Variants in RNF208 observed in about 807,000 individuals in gnomAD.
RNF208 encodes ring finger protein 208.
A neutral mutation model predicts 15.2 loss-of-function variants in RNF208; 7 were observed. The ratio of observed to expected loss-of-function variants is 0.46; its 90% CI spans 0.26 to 0.86. The LOEUF (loss-of-function observed/expected upper bound fraction) is 0.86, where lower values mean the gene tolerates loss of function less well. Ranked by LOEUF, RNF208 falls within the 40% of genes least tolerant of loss-of-function variation. The pLI is 0.16. For missense variants in RNF208, 342 were observed against 364.1 expected (o/e 0.94, Z 0.49); for synonymous variants, 211 against 163.2 (o/e 1.29, Z -2.23).
Position 137,220,953 on chromosome 9 carries a change from C to A in RNF208, c.260G>T (p.Gly87Val). The A allele has an allele frequency of 6.5e-7, 1 of 1,543,210 alleles. No homozygotes were observed. Among genetic ancestry groups the A allele is most frequent in the Non-Finnish European group, 8.8e-7 (1 of 1,141,534 alleles). ...ACGGDMPALE[G>V]APHTPPLPRR... ...TGGCAGTGGCGGGGTATGGGGTGCCCCTTCCAAGGCAGGCATGTCCCCCCC... is the reference window on the plus strand; with the variant it reads ...TGGCAGTGGCGGGGTATGGGGTGCCACTTCCAAGGCAGGCATGTCCCCCCC... The change falls in exon 2 of 2, where the codon GGG (glycine) becomes GTG (valine). Residue 87 changes from glycine (G) to valine (V), a missense_variant. By Grantham distance (109) the Gly-to-Val change is moderately radical. Around this residue, in one of 3 missense-constraint regions of RNF208, gnomAD observed 207 missense variants for 193.7 expected, o/e 1.07. Transcript: ENST00000391553.
Position 137,220,353 on chromosome 9 carries a change from C to G in RNF208, c.*74G>C. The G allele has an allele frequency of 7.0e-7, 1 of 1,432,784 alleles. No individual in the cohort carries two copies. The highest frequency in any genetic ancestry group is 2.4e-5 in the Admixed American group (1 of 41,460). 88.8% of individuals were successfully genotyped at this position (1,432,784 alleles called of 1,614,324 possible). A position where few individuals can be genotyped will look rare whatever the true frequency, so the allele number is the denominator to read the frequency against. Reference sequence around the variant, plus strand: ...TGGTGGGGAAGGAAGGGTCAGCGGGCGGCAGGGCAGGGCCGGGTCCCTGAA... The same window carrying G: ...TGGTGGGGAAGGAAGGGTCAGCGGGGGGCAGGGCAGGGCCGGGTCCCTGAA... On this transcript the variant is annotated 3_prime_UTR_variant, in exon 2 of 2. Transcript: ENST00000391553.
At position 137,221,116 on chromosome 9, in the gene RNF208, T is replaced by C. The variant is rs761983884; in HGVS notation, c.97A>G (p.Met33Val). 4 of 1,605,050 alleles carry C rather than the reference T, an allele frequency of 2.5e-6. No homozygotes were observed. The Admixed American group carries it at 6.7e-5, about 27-fold the overall frequency. ...GPHVILKMEA[M>V]KIVHPEKFPE... ...AACTTTTCAGGGTGGACAATCTTCA[T>C]GGCCTCCATCTTGAGGATGACATGG... Residue 33 changes from methionine to valine, a missense_variant, in exon 2 of 2, where the codon ATG becomes GTG. Physicochemically the swap from Met to Val is conservative, Grantham distance 21. Around this residue, in one of 3 missense-constraint regions of RNF208, gnomAD observed 207 missense variants for 193.7 expected, o/e 1.07. Transcript: ENST00000391553.
chr9:137,221,815 C>T (rs1052740237), intron 1 of RNF208, among the ~76,000 whole-genome samples, 77 bp from the exon 2 acceptor site: 1 of 152,032 alleles, frequency 6.6e-6, no homozygotes, highest in Non-Finnish European at 1.5e-5. Flanking sequence ...AAGGACCGGG[C>T]GCCCGACCTC....
At chr9:137,221,778 C>A (rs1252407322) in intron 1 of RNF208, among the ~76,000 whole-genome samples, 40 bp from the exon 2 acceptor site, 1 of 152,132 alleles carries the variant, frequency 6.6e-6, no homozygotes, top group African/African-American at 2.4e-5. Flanking sequence ...GCCCCGGCCA[C>A]CCCCACCCTA....
chr9:137,222,636 G>C (rs1835889191), upstream of RNF208, among the ~76,000 whole-genome samples: 1 of 152,226 alleles, frequency 6.6e-6, no homozygotes, highest in African/African-American at 2.4e-5. Flanking sequence ...GGAAGGCCCC[G>C]AGTCCTCCAG....
rs756236898 is a variant in RNF208, at chr9:137,220,833, G to T, written c.380C>A (p.Pro127His). Reference sequence around the variant, plus strand: ...CGCCGAAGAAGCCGCCGAGGCCGAGGGGCCAGGCCGAATCACGTACTGATT... The same window carrying T: ...CGCCGAAGAAGCCGCCGAGGCCGAGTGGCCAGGCCGAATCACGTACTGATT... ...IVNQYVIRPGPSASAASSAAA... is the reference protein window; with the variant it reads ...IVNQYVIRPGHSASAASSAAA... Residue 127 changes from proline (P) to histidine (H), a missense_variant, in exon 2 of 2, where the codon CCC (proline) becomes CAC (histidine). Physicochemically the swap from Pro to His is moderately conservative, Grantham distance 77 (BLOSUM62 -2). This residue lies in a region of RNF208 where 207 missense variants were observed against 193.7 expected (regional missense o/e 1.07). Coordinates refer to ENST00000391553, the MANE Select transcript of RNF208 (RefSeq NM_031297.7). 3 of 1,607,030 alleles carry T rather than the reference G, an allele frequency of 1.9e-6. No individual in the cohort carries two copies. The highest frequency in any genetic ancestry group is 3.4e-5 in the Admixed American group (2 of 59,212).
In RNF208 at chr9:137,220,939, GGGTATGGGGTGCCCCTTCCAA is replaced by G; in HGVS notation, c.253_273del (p.Leu85_Thr91del). The stretch of plus-strand genomic sequence containing the variant: ...TTACGGGGCCGCCGTGGCAGTGGCG[GGGTATGGGGTGCCCCTTCCAA>G]GGCAGGCATGTCCCCCCCACAGGCC... On this transcript the variant is annotated inframe_deletion, in exon 2 of 2. Transcript: ENST00000391553. The G allele has an allele frequency of 6.5e-7, 1 of 1,548,452 alleles. No homozygotes were observed.
Position 137,220,899 on chromosome 9 carries a change from A to G in RNF208, c.314T>C (p.Leu105Pro), listed in dbSNP as rs761579621. ...CTCTGGGGCCACGCGGGGAAAGCCCAGCTCCGAGCTTCCCTTACGGGGCCG... is the reference window on the plus strand; with the variant it reads ...CTCTGGGGCCACGCGGGGAAAGCCCGGCTCCGAGCTTCCCTTACGGGGCCG... ...PRRPRKGSSE[L>P]GFPRVAPEDE... The change falls in exon 2 of 2, where the codon CTG becomes CCG. Residue 105 changes from leucine (L) to proline (P), a missense_variant. This residue lies in a region of RNF208 where 207 missense variants were observed against 193.7 expected (regional missense o/e 1.07). Transcript: ENST00000391553. 6 of 1,573,150 alleles carry G rather than the reference A, an allele frequency of 3.8e-6. No individual in the cohort carries two copies. The East Asian group carries it at 1.4e-4, about 36-fold the overall frequency.
In RNF208 at chr9:137,220,417, G is replaced by A. The variant is rs1169211417; in HGVS notation, c.*10C>T. The A allele has an allele frequency of 5.8e-6, 9 of 1,547,164 alleles. No homozygotes were observed. In the South Asian group the frequency reaches 1.1e-4, roughly 19 times the overall value. On this transcript the variant is annotated 3_prime_UTR_variant, in exon 2 of 2. Coordinates refer to ENST00000391553, the MANE Select transcript of RNF208 (RefSeq NM_031297.7). ...AGGCTCAGCGGGCAGTGGCGGGCAGGCAGGCGCTACTACATGATGGAGCAG... is the reference window on the plus strand; with the variant it reads ...AGGCTCAGCGGGCAGTGGCGGGCAGACAGGCGCTACTACATGATGGAGCAG...
At position 137,220,785 on chromosome 9, in the gene RNF208, C is replaced by G; in HGVS notation, c.428G>C (p.Cys143Ser). 6.2e-7 allele frequency: 1 copy of G among 1,611,568 alleles called. No individual in the cohort carries two copies. Among genetic ancestry groups the G allele is most frequent in the Non-Finnish European group, 8.5e-7 (1 of 1,179,500 alleles). ...ATTGTAGGAGTGCCCACAGGTGGGGCACTCCAGGGGCTCGCCTGCCGCCGC... is the reference window on the plus strand; with the variant it reads ...ATTGTAGGAGTGCCCACAGGTGGGGGACTCCAGGGGCTCGCCTGCCGCCGC... ...SSAAAGEPLE[C>S]PTCGHSYNVT... The change falls in exon 2 of 2, where the codon TGC becomes TCC. Residue 143 changes from cysteine (C) to serine (S), a missense_variant. Around this residue, in one of 3 missense-constraint regions of RNF208, gnomAD observed 76 missense variants for 118.0 expected, o/e 0.64. Transcript: ENST00000391553.
chr9:137,221,278 G>A lies in RNF208; in HGVS notation c.-66C>T, dbSNP rs1431414977. The A allele has an allele frequency of 3.5e-6, 4 of 1,138,416 alleles. No individual in the cohort carries two copies. Among genetic ancestry groups the A allele is most frequent in the Non-Finnish European group, 4.7e-6 (4 of 853,876 alleles). 70.5% of individuals were successfully genotyped at this position (1,138,416 alleles called of 1,614,324 possible). ...GGCGTTGTGTGGGGCTGGGGGGCAG[G>A]TGACAGGGCAGCATCCTGGTCCCGC... is the stretch of plus-strand genomic sequence containing the variant. On this transcript the variant is annotated 5_prime_UTR_variant, in exon 2 of 2. Transcript: ENST00000391553.
At chr9:137,222,270 G>GCGGCGCCCGC (rs1443090443), upstream of RNF208, among the ~76,000 whole-genome samples, 2 of 146,596 alleles carry the variant, frequency 1.4e-5, no homozygotes, top group African/African-American at 4.9e-5. Context: ...CGCAGTGCGC[G>GCGGCGCCCGC]CGGCGCCCGC....
At position 137,221,262 on chromosome 9, in the gene RNF208, T is replaced by TGGGGG; in HGVS notation, c.-51_-50insCCCCC. On this transcript the variant is annotated 5_prime_UTR_variant, in exon 2 of 2. The change abolishes the stop of an existing upstream ORF in the 5' untranslated region. Coordinates refer to ENST00000391553, the MANE Select transcript of RNF208 (RefSeq NM_031297.7). Reference sequence around the variant, plus strand: ...TGTTCGGGTGGGTGGGGGCGTTGTGTGGGGCTGGGGGGCAGGTGACAGGGC... The same window carrying TGGGGG: ...TGTTCGGGTGGGTGGGGGCGTTGTGTGGGGGGGGGCTGGGGGGCAGGTGACAGGGC... 8.7e-6 allele frequency: 1 copy of TGGGGG among 114,906 alleles called. No individual in the cohort carries two copies. 7.1% of individuals were successfully genotyped at this position (114,906 alleles called of 1,614,324 possible).
At position 137,221,639 on chromosome 9, in the gene RNF208, G is replaced by C. The variant is rs1019158863; in HGVS notation, c.-427C>G. 6.2e-6 allele frequency: 1 copy of C among 161,792 alleles called. No homozygotes were observed. Among genetic ancestry groups the C allele is most frequent in the Non-Finnish European group, 1.3e-5 (1 of 74,926 alleles). The allele number at this position is 161,792 out of a possible 1,614,324, so 10.0% of individuals were successfully genotyped here. Reference sequence around the variant, plus strand: ...GGTGGGCCCCATGGCTCCAGGACAGGGCGCCCAGGGAAGGCAGCTAGCCGA... The same window carrying C: ...GGTGGGCCCCATGGCTCCAGGACAGCGCGCCCAGGGAAGGCAGCTAGCCGA... On this transcript the variant is annotated 5_prime_UTR_variant, in exon 2 of 2. Coordinates refer to ENST00000391553, the MANE Select transcript of RNF208 (RefSeq NM_031297.7).
upstream of RNF208, among the ~76,000 whole-genome samples, chr9:137,222,708 G>C (rs1254709924): frequency 6.6e-6 from 1 of 152,270 alleles, no homozygotes; most frequent in Non-Finnish European, 1.5e-5. Context: ...GGCAAGAGCG[G>C]GGCGGGCGGA....
At position 137,220,991 on chromosome 9, in the gene RNF208, G is replaced by A. The variant is rs781651645; in HGVS notation, c.222C>T (p.Val74=). 6.4e-7 allele frequency: 1 copy of A among 1,565,218 alleles called. No homozygotes were observed. Among genetic ancestry groups the A allele is most frequent in the South Asian group, 1.2e-5 (1 of 85,368 alleles). ...GCATGTCCCCCCCACAGGCCTGGTTGACAATGATCTCTGTGTCTGAGGGCC... is the reference window on the plus strand; with the variant it reads ...GCATGTCCCCCCCACAGGCCTGGTTAACAATGATCTCTGTGTCTGAGGGCC... ...RAWPSDTEII[V]NQACGGDMPA... Residue 74 remains valine (V), a synonymous_variant, in exon 2 of 2, where the codon GTC becomes GTT. Transcript: ENST00000391553.
Position 137,221,002 on chromosome 9 carries a change from C to A in RNF208, c.211G>T (p.Glu71Ter). ...APKRAWPSDT[E>*]IIVNQACGGD... ...CCACAGGCCTGGTTGACAATGATCTCTGTGTCTGAGGGCCAGGCACGCTTG... is the reference window on the plus strand; with the variant it reads ...CCACAGGCCTGGTTGACAATGATCTATGTGTCTGAGGGCCAGGCACGCTTG... The change falls in exon 2 of 2, where the codon GAG (glutamate) becomes TAG (stop). Residue 71 changes from glutamate (E) to a stop codon, truncating the protein, a stop_gained. Coordinates refer to ENST00000391553, the MANE Select transcript of RNF208 (RefSeq NM_031297.7). LOFTEE classifies it high-confidence loss of function. 1 of 1,573,938 alleles carries A rather than the reference C, an allele frequency of 6.4e-7. No homozygotes were observed. The highest frequency in any genetic ancestry group is 1.3e-5 in the African/African-American group (1 of 74,592).
In RNF208 at chr9:137,221,506, C is replaced by G. The variant is rs950702557; in HGVS notation, c.-294G>C. Reference sequence around the variant, plus strand: ...GGGCTGGGGGTCTGGCCCAGGGTCTCACCCAGGGTCTCTGGCTGCTGAGGC... The same window carrying G: ...GGGCTGGGGGTCTGGCCCAGGGTCTGACCCAGGGTCTCTGGCTGCTGAGGC... On this transcript the variant is annotated 5_prime_UTR_variant, in exon 2 of 2. Transcript: ENST00000391553. The G allele has an allele frequency of 1.5e-5, 4 of 265,352 alleles. No homozygotes were observed. Among genetic ancestry groups the G allele is most frequent in the African/African-American group, 9.1e-5 (4 of 43,892 alleles). The allele number at this position is 265,352 out of a possible 1,614,324, so 16.4% of individuals were successfully genotyped here. A position where few individuals can be genotyped will look rare whatever the true frequency, so the allele number is the denominator to read the frequency against.
At chr9:137,223,284 G>A (rs549610161), upstream of RNF208, among the ~76,000 whole-genome samples, 124 of 152,364 alleles carry the variant, frequency 8.1e-4, no homozygotes, top group African/African-American at 2.9e-3. Context: ...CTGCTGGAGG[G>A]GTCCTTACGG....
Sources: allele counts gnomAD v4.1 joint callset (sites outside exome capture counted in the v4.1 genomes callset), GRCh38; gene constraint gnomAD v4.1.1; regional missense constraint gnomAD v4.1.1; transcripts MANE v1.5; gene names NCBI Gene and HGNC (gene_info 2026-07-23, HGNC 2026-07-21).